The following PRKCE variants were observed in gnomAD, a reference collection of about 807,000 sequenced individuals.
PRKCE encodes the protein protein kinase C epsilon type.
Under a neutral mutation model 85.4 loss-of-function variants are expected in PRKCE, and 16 were observed. The observed-to-expected ratio is 0.19, with a 90% CI of 0.13 to 0.28. The LOEUF is 0.28. Among genes scored for constraint, PRKCE ranks in the 10% least tolerant of loss-of-function variants. The pLI is 1.00. For synonymous variants in PRKCE, 388 were observed against 371.5 expected (o/e 1.04, Z -0.51); for missense variants, 573 against 975.2 (o/e 0.59, Z 5.49).
intron 4 of PRKCE, 111 bp downstream of exon 4, chr2:45,979,121 C>G: frequency 1.0e-6 from 1 of 991,150 alleles, no homozygotes; most frequent in Non-Finnish European, 1.5e-6. Flanking sequence ...CTCTCCACAG[C>G]TTGCATGCTT....
intron 11 of PRKCE, among the ~76,000 whole-genome samples, chr2:46,132,493 A>C (rs1330984146): frequency 2.0e-5 from 3 of 152,154 alleles, no homozygotes; most frequent in Non-Finnish European, 2.9e-5. Context: ...CACATGGAGA[A>C]ATGGAGGCTG....
rs182992848 is a variant in PRKCE at position 45,840,715 on chromosome 2, C to T, written c.349-2285C>T. On this transcript the variant is annotated intron_variant, in intron 1 of 14. Transcript: ENST00000306156. ...GAAATTTTGAGGGAAACCTTAAGCT[C>T]TCTCAACCATTAGAGGCTGAGTCAG... 4.4e-4 allele frequency among the ~76,000 whole-genome samples: 67 copies of T among 152,244 alleles called. 1 individual carries two copies. In the East Asian group the frequency reaches 0.012, roughly 28 times the overall value.
chr2:45,876,546 T>G (rs1694499969), intron 2 of PRKCE, among the ~76,000 whole-genome samples: 1 of 152,250 alleles, frequency 6.6e-6, no homozygotes, highest in African/African-American at 2.4e-5. Context: ...CACTTTTTAA[T>G]TTTTGCCTAA....
At chr2:45,832,885 A>T (rs983587913) in intron 1 of PRKCE, among the ~76,000 whole-genome samples, 1 of 152,252 alleles carries the variant, frequency 6.6e-6, no homozygotes, top group Non-Finnish European at 1.5e-5. Context: ...CCTTCTTCAC[A>T]TAGGTAACAC....
chr2:45,794,467 C>T (rs4952775), intron 1 of PRKCE, among the ~76,000 whole-genome samples: 46,581 of 151,972 alleles, frequency 0.31, 7,910 homozygotes, highest in South Asian at 0.44. Context: ...GGTTAACCAG[C>T]CTGGATGAAG....
chr2:46,020,131 T>C lies in PRKCE; in HGVS notation c.1437+9614T>C, dbSNP rs181218426. On this transcript the variant is annotated intron_variant, in intron 10 of 14. Transcript: ENST00000306156. ...TTCCACAATGCTAGGATTACAGGTG[T>C]GAGCCACTGTGCCCGGCCAAGCTGT... Among the ~76,000 whole-genome samples, 586 of 152,246 alleles carry C rather than the reference T, an allele frequency of 3.8e-3. 5 individuals are homozygous for C. Among genetic ancestry groups the C allele is most frequent in the African/African-American group, 0.013 (550 of 41,524 alleles).
intron 10 of PRKCE, among the ~76,000 whole-genome samples, chr2:46,084,427 T>C (rs1574426651): frequency 1.3e-5 from 2 of 152,196 alleles, no homozygotes; most frequent in South Asian, 4.2e-4. Flanking sequence ...ACTATACCTA[T>C]GTGTTAAAAA....
chr2:46,079,310 C>G lies in PRKCE; in HGVS notation c.1438-6898C>G, dbSNP rs568087767. 3.9e-5 allele frequency among the ~76,000 whole-genome samples: 6 copies of G among 152,194 alleles called. No homozygotes were observed. The South Asian group carries it at 1.2e-3, about 32-fold the overall frequency. Reference sequence around the variant, plus strand: ...CTAAGATACAATCCAGATGCATAGACTTCACAGTCTGATTGGATACAGGAG... The same window carrying G: ...CTAAGATACAATCCAGATGCATAGAGTTCACAGTCTGATTGGATACAGGAG... On this transcript the variant is annotated intron_variant, in intron 10 of 14. Coordinates refer to ENST00000306156, the MANE Select transcript of PRKCE (RefSeq NM_005400.3).
intron 2 of PRKCE, among the ~76,000 whole-genome samples, chr2:45,872,128 AG>A (rs1002498426): frequency 6.6e-6 from 1 of 152,114 alleles, no homozygotes; most frequent in African/African-American, 2.4e-5. Context: ...ACTGCTAAGG[AG>A]GGAAAAATTA....
At chr2:45,981,125 A>C (rs1702857639) in intron 5 of PRKCE, among the ~76,000 whole-genome samples, 1 of 152,204 alleles carries the variant, frequency 6.6e-6, no homozygotes, top group South Asian at 2.1e-4. Context: ...GGAAGCAGGA[A>C]AATGCAACAA....
chr2:45,950,956 T>G (rs1239440710), intron 2 of PRKCE, among the ~76,000 whole-genome samples: 4 of 152,166 alleles, frequency 2.6e-5, no homozygotes, highest in Admixed American at 2.6e-4. Flanking sequence ...GCTCCCGATC[T>G]GAGATCATGT....
At chr2:45,741,281 A>G (rs1292983156) in intron 1 of PRKCE, among the ~76,000 whole-genome samples, 1 of 152,220 alleles carries the variant, frequency 6.6e-6, no homozygotes, top group Non-Finnish European at 1.5e-5. Flanking sequence ...TATCCAATTG[A>G]ACAGCTGTAA....
intron 6 of PRKCE, among the ~76,000 whole-genome samples, chr2:45,991,462 T>C (rs1357535055): frequency 6.6e-6 from 1 of 152,222 alleles, no homozygotes; most frequent in Non-Finnish European, 1.5e-5. Context: ...CCTCCGTGCA[T>C]AGTTATATAA....
intron 1 of PRKCE, among the ~76,000 whole-genome samples, chr2:45,782,221 C>T (rs537006311): frequency 6.6e-6 from 1 of 152,252 alleles, no homozygotes; most frequent in African/African-American, 2.4e-5. Flanking sequence ...TCCTCTCGTC[C>T]AGGCCCATCT....
In PRKCE at chr2:45,984,127, A is replaced by G. The variant is rs1703121987; in HGVS notation, c.694-424A>G. Among the ~76,000 whole-genome samples, 4 of 151,996 alleles carry G rather than the reference A, an allele frequency of 2.6e-5. No individual in the cohort carries two copies. The South Asian group carries it at 8.3e-4, about 32-fold the overall frequency. On this transcript the variant is annotated intron_variant, in intron 5 of 14. Coordinates refer to ENST00000306156, the MANE Select transcript of PRKCE (RefSeq NM_005400.3). ...TAATTTTTGTGTTTTTAGTAGAGAC[A>G]GGGTTTCACCATGTTGGCCAGGCTG...
chr2:46,085,973 C>T (rs551208278), intron 10 of PRKCE, among the ~76,000 whole-genome samples: 63 of 152,180 alleles, frequency 4.1e-4, no homozygotes, highest in African/African-American at 1.4e-3. Context: ...TCCACTAGAC[C>T]GAGGTGATGC....
At chr2:46,102,512 A>G (rs1285298650) in intron 11 of PRKCE, among the ~76,000 whole-genome samples, 1 of 152,212 alleles carries the variant, frequency 6.6e-6, no homozygotes, top group African/African-American at 2.4e-5. Flanking sequence ...CTGACACATT[A>G]TTATTAACTA....
chr2:46,017,290 A>G (rs2104846908), intron 10 of PRKCE, among the ~76,000 whole-genome samples: 2 of 152,304 alleles, frequency 1.3e-5, no homozygotes, highest in East Asian at 1.9e-4. Flanking sequence ...GGTACCTCTT[A>G]TAAGTGGAAT....
intron 2 of PRKCE, among the ~76,000 whole-genome samples, chr2:45,972,040 A>G (rs1366615613): frequency 6.6e-6 from 1 of 152,184 alleles, no homozygotes; most frequent in Non-Finnish European, 1.5e-5. Flanking sequence ...AAACCTCGAT[A>G]CTGTTTCCTA....
Sources: gnomAD v4.1 joint callset for allele counts (sites outside exome capture counted in the v4.1 genomes callset) on GRCh38, gnomAD v4.1.1 for gene constraint, MANE v1.5 for transcripts, NCBI Gene and HGNC (gene_info 2026-07-23, HGNC 2026-07-21) for gene names.